The following EPB41L4B variants were observed in gnomAD, a reference collection of about 807,000 sequenced individuals.
The protein encoded by EPB41L4B is band 4.1-like protein 4B.
In EPB41L4B, 30 loss-of-function variants were observed where a neutral mutation model predicts 112.5. The ratio of observed to expected loss-of-function variants is 0.27; its 90% confidence interval spans 0.20 to 0.36. The LOEUF (loss-of-function observed/expected upper bound fraction) is 0.36, where lower values mean the gene tolerates loss of function less well. Ranked by LOEUF, EPB41L4B falls within the 10% of genes least tolerant of loss-of-function variation. The pLI, the probability that EPB41L4B is intolerant of heterozygous loss-of-function variation, is 1.00. For missense variants in EPB41L4B, 1,024 were observed against 1,133.3 expected (o/e 0.90, Z 1.38); for synonymous variants, 408 against 439.7 (o/e 0.93, Z 0.90).
At chr9:109,218,992 G>A (rs1370845388) in intron 15 of EPB41L4B, among the ~76,000 whole-genome samples, 2 of 152,210 alleles carry the variant, frequency 1.3e-5, no homozygotes, top group African/African-American at 4.8e-5. Context: ...AGAAAATGCA[G>A]AAGTGGAAGC....
chr9:109,240,238 T>C (rs2118951824), intron 15 of EPB41L4B: 6 of 985,446 alleles, frequency 6.1e-6, no homozygotes, highest in Non-Finnish European at 7.2e-6. Flanking sequence ...AGAACACATT[T>C]ATTTGTATGC....
intron 6 of EPB41L4B, among the ~76,000 whole-genome samples, chr9:109,261,787 G>GT (rs1427102272): frequency 6.6e-6 from 1 of 152,086 alleles, no homozygotes; most frequent in Non-Finnish European, 1.5e-5. Context: ...ATATTCTGTA[G>GT]TAAGTGTGTA....
chr9:109,241,704 C>T (rs758503093), intron 15 of EPB41L4B: 126 of 1,614,018 alleles, frequency 7.8e-5, no homozygotes, highest in Non-Finnish European at 1.0e-4. Context: ...TCATACTTTG[C>T]ATCCCTCCTA....
At position 109,263,045 on chromosome 9, in the gene EPB41L4B, T is replaced by C. The variant is rs192467325; in HGVS notation, c.631+5A>G. The C allele has an allele frequency of 2.4e-4, 382 of 1,581,698 alleles. 1 individual carries two copies. The African/African-American group carries it at 4.3e-3, about 18-fold the overall frequency. Reference sequence around the variant, plus strand: ...AATGCTAATTACTACTAAAGATTAATGTACCTTGTAGACAGAGAGCAGCTA... The same window carrying C: ...AATGCTAATTACTACTAAAGATTAACGTACCTTGTAGACAGAGAGCAGCTA... On this transcript the variant is annotated splice_donor_5th_base_variant and intron_variant, in intron 6 of 25. Transcript: ENST00000374566.
At chr9:109,191,589 T>C (rs1832463045) in intron 22 of EPB41L4B, among the ~76,000 whole-genome samples, 1 of 152,212 alleles carries the variant, frequency 6.6e-6, no homozygotes, top group Non-Finnish European at 1.5e-5. Context: ...TCCTTTCTCA[T>C]CTCAGCCTGT....
intron 22 of EPB41L4B, among the ~76,000 whole-genome samples, chr9:109,190,612 G>A (rs1463578602): frequency 3.3e-5 from 5 of 152,208 alleles, no homozygotes; most frequent in Non-Finnish European, 7.3e-5. Flanking sequence ...CATCTGACCC[G>A]CTTTGAGGGA....
At chr9:109,186,205 T>C (rs1832259854) in intron 22 of EPB41L4B, among the ~76,000 whole-genome samples, 1 of 152,090 alleles carries the variant, frequency 6.6e-6, no homozygotes, top group East Asian at 1.9e-4. Context: ...TTCCCTTTTT[T>C]TTTTTTGAGA....
chr9:109,185,641 G>A, intron 22 of EPB41L4B, 36 bp from the exon 23 acceptor site: 4 of 1,533,040 alleles, frequency 2.6e-6, no homozygotes, highest in Non-Finnish European at 3.6e-6. Flanking sequence ...GGAGGAGGAG[G>A]TGGCAAGAGA....
intron 2 of EPB41L4B, among the ~76,000 whole-genome samples, chr9:109,272,236 C>T (rs1000203980): frequency 3.3e-5 from 5 of 152,164 alleles, no homozygotes; most frequent in Admixed American, 2.0e-4. Context: ...GCAGAAGGAT[C>T]GTTTGAGCCC....
chr9:109,274,040 G>A (rs1009270637), intron 2 of EPB41L4B, among the ~76,000 whole-genome samples: 3 of 152,112 alleles, frequency 2.0e-5, no homozygotes, highest in Non-Finnish European at 2.9e-5. Flanking sequence ...CCCAGCAGGC[G>A]CCATATCTAT....
intron 16 of EPB41L4B, among the ~76,000 whole-genome samples, chr9:109,215,988 C>T (rs537641076): frequency 6.6e-6 from 1 of 152,282 alleles, no homozygotes; most frequent in East Asian, 1.9e-4. Context: ...TCTAATTGCT[C>T]ACTCTCTATT....
At chr9:109,300,466 T>C (rs1360069492) in intron 1 of EPB41L4B, 1 of 152,120 alleles carries the variant, frequency 6.6e-6, no homozygotes, top group Non-Finnish European at 1.5e-5. Context: ...TACCTGATAT[T>C]AACAGTAACC....
intron 15 of EPB41L4B, among the ~76,000 whole-genome samples, chr9:109,222,934 G>T (rs578016846): frequency 6.6e-6 from 1 of 152,190 alleles, no homozygotes; most frequent in South Asian, 2.1e-4. Flanking sequence ...CTTTTCTCAG[G>T]GGAAGACCCA....
intron 24 of EPB41L4B, among the ~76,000 whole-genome samples, chr9:109,180,526 G>GA (rs888813331): frequency 6.6e-6 from 1 of 152,164 alleles, no homozygotes; most frequent in African/African-American, 2.4e-5. Context: ...GCAGATGCTG[G>GA]AAGCAGCTCA....
At chr9:109,211,666 ATC>A (rs1833180144) in intron 17 of EPB41L4B, among the ~76,000 whole-genome samples, 2 of 150,164 alleles carry the variant, frequency 1.3e-5, no homozygotes, top group Admixed American at 1.3e-4. Context: ...AGTCAAAATT[ATC>A]TGTATAATCA....
At position 109,174,436 on chromosome 9, in the gene EPB41L4B, G is replaced by C. The variant is rs1425253023; in HGVS notation, c.*118C>G. On this transcript the variant is annotated 3_prime_UTR_variant, in exon 26 of 26. Transcript: ENST00000374566. The stretch of plus-strand genomic sequence containing the variant: ...CAGAAATTGGCTTCAACTAACCATG[G>C]AGACCTGGGCGAACAGAGCACACAC... 1 of 976,582 alleles carries C rather than the reference G, an allele frequency of 1.0e-6. No individual in the cohort carries two copies. Among genetic ancestry groups the C allele is most frequent in the East Asian group, 2.5e-5 (1 of 40,184 alleles). 60.5% of individuals were successfully genotyped at this position (976,582 alleles called of 1,614,324 possible).
chr9:109,320,356 C>T lies in EPB41L4B; in HGVS notation c.91G>A (p.Asp31Asn). ...AAGRGAAGLG[D>N]ERDGGPRGGP... Reference sequence around the variant, plus strand: ...CCCCGTGGCCCCCCATCGCGCTCGTCCCCCAGCCCGGCGGCCCCGCGCCCC... The same window carrying T: ...CCCCGTGGCCCCCCATCGCGCTCGTTCCCCAGCCCGGCGGCCCCGCGCCCC... Residue 31 changes from aspartate to asparagine, a missense_variant, in exon 1 of 26, where the codon GAC becomes AAC. By Grantham distance (23) the Asp-to-Asn change is conservative. Transcript: ENST00000374566. 3.0e-6 allele frequency: 3 copies of T among 984,108 alleles called. No homozygotes were observed. The highest frequency in any genetic ancestry group is 3.6e-6 in the Non-Finnish European group (3 of 830,304). The allele number at this position is 984,108 out of a possible 1,614,324, so 61.0% of individuals were successfully genotyped here.
intron 15 of EPB41L4B, chr9:109,241,092 G>C: frequency 1.0e-6 from 1 of 985,538 alleles, no homozygotes; most frequent in Non-Finnish European, 1.2e-6. Flanking sequence ...TTTTCCTTGT[G>C]ATAAAATTAG....
At chr9:109,297,644 C>T (rs1378460277) in intron 1 of EPB41L4B, among the ~76,000 whole-genome samples, 1 of 152,234 alleles carries the variant, frequency 6.6e-6, no homozygotes, top group Non-Finnish European at 1.5e-5. Flanking sequence ...CCACAGCATC[C>T]CTGCGGCAAT....
Sources: gnomAD v4.1 joint callset for allele counts (sites outside exome capture counted in the v4.1 genomes callset) on GRCh38, gnomAD v4.1.1 for gene constraint, MANE v1.5 for transcripts, NCBI Gene and HGNC (gene_info 2026-07-23, HGNC 2026-07-21) for gene names.